The following HNRNPR variants were observed in gnomAD, a reference collection of about 807,000 sequenced individuals.
The protein encoded by HNRNPR is heterogeneous nuclear ribonucleoprotein R.
Under a neutral mutation model 70.3 loss-of-function variants are expected in HNRNPR, and 4 were observed. The ratio of observed to expected loss-of-function variants is 0.06; its 90% CI spans 0.03 to 0.13. The LOEUF is 0.13. Ranked by LOEUF, HNRNPR falls within the 10% of genes least tolerant of loss-of-function variation. The pLI is 1.00. For missense variants in HNRNPR, 423 were observed against 788.5 expected, an observed-to-expected ratio of 0.54 and a Z score of 5.55; for synonymous variants, 241 against 267.6, an observed-to-expected ratio of 0.90 and a Z score of 0.97.
chr1:23,327,469 C>CT (rs1646035585), intron 5 of HNRNPR, among the ~76,000 whole-genome samples: 1 of 152,092 alleles, frequency 6.6e-6, no homozygotes, highest in East Asian at 1.9e-4. Context: ...GGGCAGATCA[C>CT]TTTAAGTCAG....
In HNRNPR at chr1:23,318,680, C is replaced by T. The variant is rs1367631226; in HGVS notation, c.820G>A (p.Val274Met). The T allele has an allele frequency of 3.1e-6, 5 of 1,614,022 alleles. No individual in the cohort carries two copies. The highest frequency in any genetic ancestry group is 4.2e-6 in the Non-Finnish European group (5 of 1,180,016). The change falls in exon 8 of 11, where the codon GTG becomes ATG. Residue 274 changes from valine (V) to methionine (M), a missense_variant. Val to Met is a conservative substitution (Grantham distance 21, BLOSUM62 1). Around this residue, in one of 7 missense-constraint regions of HNRNPR, gnomAD observed 118 missense variants for 239.3 expected, o/e 0.49. Transcript: ENST00000302271. This position sits in a 1 kb window ranked among gnomAD's most constrained non-coding sequence, Gnocchi z 4.2. ...GGTTGATGATAGAGAATAACGTCCA[C>T]CAAACCCTCTGTTAAACCAACAGCC... is the stretch of plus-strand genomic sequence containing the variant. ...EEFSKVTEGL[V>M]DVILYHQPDD...
chr1:23,333,686 A>G, intron 4 of HNRNPR, 55 bp from the exon 5 acceptor site: 2 of 989,468 alleles, frequency 2.0e-6, no homozygotes, highest in Non-Finnish European at 1.6e-6. Flanking sequence ...ACACACAAGC[A>G]TCAGTGTATT....
chr1:23,308,003 G>A lies in HNRNPR; in HGVS notation c.*2451C>T, dbSNP rs1645229641. The A allele has an allele frequency of 6.6e-6, 1 of 151,912 alleles. No homozygotes were observed. The highest frequency in any genetic ancestry group is 1.5e-5 in the Non-Finnish European group (1 of 67,858). 9.4% of individuals were successfully genotyped at this position (151,912 alleles called of 1,614,324 possible). On this transcript the variant is annotated 3_prime_UTR_variant, in exon 11 of 11. Coordinates refer to ENST00000302271, the MANE Select transcript of HNRNPR (RefSeq NM_005826.5). ...ATTACACTGTTAGATTTATTTATGT[G>A]AAAAGTTGAGCTCTGAATCTATTTT...
intron 5 of HNRNPR, among the ~76,000 whole-genome samples, chr1:23,325,676 G>T (rs754988767): frequency 3.3e-5 from 5 of 151,972 alleles, no homozygotes; most frequent in Non-Finnish European, 5.9e-5. Flanking sequence ...CAATAAATAA[G>T]CCCATTTCTT....
chr1:23,330,852 T>C (rs899731559), intron 5 of HNRNPR, among the ~76,000 whole-genome samples: 2 of 152,116 alleles, frequency 1.3e-5, no homozygotes, highest in African/African-American at 4.8e-5. Context: ...AATCAAGACC[T>C]AAAAATGTTT....
At chr1:23,312,374 G>A (rs919269364) in intron 9 of HNRNPR, among the ~76,000 whole-genome samples, 2 of 152,136 alleles carry the variant, frequency 1.3e-5, no homozygotes, top group Non-Finnish European at 2.9e-5. Flanking sequence ...AGGCTTCTTT[G>A]GCAAACCATC....
chr1:23,338,803 T>A (rs1296304665), intron 2 of HNRNPR, among the ~76,000 whole-genome samples, 195 bp from the exon 3 acceptor site: 1 of 152,070 alleles, frequency 6.6e-6, no homozygotes, highest in African/African-American at 2.4e-5. Context: ...AAAGATAAAA[T>A]GTCAACAACC....
chr1:23,343,924 G>A (rs1352884193), intron 1 of HNRNPR, among the ~76,000 whole-genome samples: 3 of 152,192 alleles, frequency 2.0e-5, no homozygotes, highest in Admixed American at 6.5e-5. Flanking sequence ...AGCGAGCGGA[G>A]GCGGGAAAAG....
rs966973602 is a variant in HNRNPR, at chr1:23,307,424, A to C, written c.*3030T>G. On this transcript the variant is annotated 3_prime_UTR_variant, in exon 11 of 11. Coordinates refer to ENST00000302271, the MANE Select transcript of HNRNPR (RefSeq NM_005826.5). ...ATCTCCTAAGTCAGATTTCAAAGTC[A>C]AAAGAGAGAAAAATTATCTCCTACT... is the stretch of plus-strand genomic sequence containing the variant. 4 of 152,076 alleles carry C rather than the reference A, an allele frequency of 2.6e-5. No homozygotes were observed. The highest frequency in any genetic ancestry group is 4.8e-5 in the African/African-American group (2 of 41,442). The allele number at this position is 152,076 out of a possible 1,614,324, so 9.4% of individuals were successfully genotyped here.
chr1:23,313,798 A>C, intron 8 of HNRNPR, 96 bp from the exon 9 acceptor site: 1 of 1,324,586 alleles, frequency 7.5e-7, no homozygotes. Context: ...TTCTCCTCTA[A>C]AACATTAAGT....
intron 8 of HNRNPR, among the ~76,000 whole-genome samples, chr1:23,317,744 G>T (rs1486792249): frequency 6.6e-6 from 1 of 152,084 alleles, no homozygotes; most frequent in Admixed American, 6.5e-5. Context: ...AGCACTTTGG[G>T]AGGCCAAGGC....
At position 23,307,812 on chromosome 1, in the gene HNRNPR, C is replaced by A. The variant is rs751876497; in HGVS notation, c.*2642G>T. ...CCAACACACACTTTACTGTAACAGG[C>A]TCATAAATAAAGCCAAATCAATTAG... On this transcript the variant is annotated 3_prime_UTR_variant, in exon 11 of 11. Transcript: ENST00000302271. The A allele has an allele frequency of 1.3e-5, 2 of 151,706 alleles. No individual in the cohort carries two copies. Among genetic ancestry groups the A allele is most frequent in the African/African-American group, 2.4e-5 (1 of 41,392 alleles). 9.4% of individuals were successfully genotyped at this position (151,706 alleles called of 1,614,324 possible). A position where few individuals can be genotyped will look rare whatever the true frequency, so the allele number is the denominator to read the frequency against.
chr1:23,336,258 T>A (rs1429855369), intron 4 of HNRNPR, among the ~76,000 whole-genome samples: 2 of 148,920 alleles, frequency 1.3e-5, no homozygotes, highest in Non-Finnish European at 3.0e-5. Flanking sequence ...AAACCCCGAC[T>A]CTACCAAAAA....
chr1:23,340,710 C>T, intron 2 of HNRNPR, 142 bp downstream of exon 2: 1 of 653,024 alleles, frequency 1.5e-6, no homozygotes, highest in African/African-American at 1.9e-5. Context: ...ACCCAATATG[C>T]CTTCAATGAA....
intron 6 of HNRNPR, 79 bp from the exon 7 acceptor site, chr1:23,321,742 A>C (rs944320258): frequency 4.9e-6 from 7 of 1,432,830 alleles, no homozygotes; most frequent in Non-Finnish European, 6.6e-6. Context: ...AAATTCAACA[A>C]TTTAAGGCCA....
Position 23,310,588 on chromosome 1 carries a change from T to G in HNRNPR, c.1768A>C (p.Asn590His). 1 of 1,614,222 alleles carries G rather than the reference T, an allele frequency of 6.2e-7. No homozygotes were observed. The highest frequency in any genetic ancestry group is 1.3e-5 in the African/African-American group (1 of 75,056). Residue 590 changes from asparagine (N) to histidine (H), a missense_variant, in exon 11 of 11, where the codon AAC becomes CAC. Transcript: ENST00000302271. The surrounding 1 kb of genome is among the most constrained non-coding windows in gnomAD (Gnocchi z 6.0). ...GGTTGGGAACCCCAGTTCTGTTGGT[T>G]GTTGGTCTGACGACGCTTGGAATCA... ...QPDSKRRQTN[N>H]QQNWGSQPIA...
chr1:23,331,948 T>C (rs1266964713), intron 5 of HNRNPR, among the ~76,000 whole-genome samples: 3 of 148,218 alleles, frequency 2.0e-5, no homozygotes, highest in African/African-American at 7.4e-5. Flanking sequence ...CCTGGCCAAC[T>C]TGGCGCAACC....
intron 2 of HNRNPR, among the ~76,000 whole-genome samples, chr1:23,340,310 TAA>T (rs568728261): frequency 2.4e-4 from 34 of 140,598 alleles, no homozygotes; most frequent in Admixed American, 3.6e-4. Context: ...ACTTCTGGAT[TAA>T]AAAAAAAAAA....
chr1:23,338,335 ACT>A (rs1210285432), intron 3 of HNRNPR, 153 bp downstream of exon 3: 3 of 436,044 alleles, frequency 6.9e-6, no homozygotes, highest in African/African-American at 2.1e-5. Flanking sequence ...GGCTTCTGAA[ACT>A]CTGCCACAAG....
Sources: gnomAD v4.1 joint callset for allele counts (sites outside exome capture counted in the v4.1 genomes callset) on GRCh38, gnomAD v4.1.1 for gene constraint, gnomAD v4.1.1 regional missense constraint, Gnocchi (gnomAD v3.1) non-coding constraint, MANE v1.5 for transcripts, NCBI Gene and HGNC (gene_info 2026-07-23, HGNC 2026-07-21) for gene names.